The following FSTL5 variants were observed in gnomAD, a reference collection of about 807,000 sequenced individuals.
The protein encoded by FSTL5 is follistatin-related protein 5.
Under a neutral mutation model 89.1 loss-of-function variants are expected in FSTL5, and 62 were observed. That is an observed-to-expected ratio of 0.70 (90% CI 0.57 to 0.86). The LOEUF (loss-of-function observed/expected upper bound fraction) is 0.86. Among genes scored for constraint, FSTL5 ranks in the 40% least tolerant of loss-of-function variants. FSTL5 has a pLI of 0.00. For missense variants in FSTL5, 1,057 were observed against 1,001.6 expected (o/e 1.06, Z -0.75); for synonymous variants, 383 against 346.2 (o/e 1.11, Z -1.18).
intron 2 of FSTL5, among the ~76,000 whole-genome samples, chr4:162,095,987 C>T (rs1019436845): frequency 2.0e-4 from 31 of 151,750 alleles, no homozygotes; most frequent in African/African-American, 7.5e-4. Context: ...TACTACTACC[C>T]GATTGTAGCA....
rs1203119725 is a variant in FSTL5, at chr4:161,779,811, GTATATATATA to G, written c.410-3747_410-3738del. Among the ~76,000 whole-genome samples, 280 of 40,290 alleles carry G rather than the reference GTATATATATA, an allele frequency of 6.9e-3. 9 individuals are homozygous for G. The highest frequency in any genetic ancestry group is 9.8e-3 in the East Asian group (12 of 1,222). The allele number at this position is 40,290 out of a possible 152,430, so 26.4% of individuals were successfully genotyped here. Reference sequence around the variant, plus strand: ...TATATATATATATATATATATATATGTATATATATATATATATATATATATGTATATAAAA... The same window carrying G: ...TATATATATATATATATATATATATGTATATATATATATATGTATATAAAA... On this transcript the variant is annotated intron_variant, in intron 4 of 15. Transcript: ENST00000306100.
intron 7 of FSTL5, among the ~76,000 whole-genome samples, chr4:161,655,476 C>A (rs779583499): frequency 3.9e-5 from 6 of 151,982 alleles, no homozygotes; most frequent in Non-Finnish European, 8.8e-5. Context: ...CCACGTGATG[C>A]CAGTCATACA....
rs185751782 is a variant in FSTL5 at position 161,833,964 on chromosome 4, T to C, written c.410-57890A>G. 2.1e-3 allele frequency among the ~76,000 whole-genome samples: 321 copies of C among 152,294 alleles called. 1 individual carries two copies. Among genetic ancestry groups the C allele is most frequent in the African/African-American group, 7.3e-3 (304 of 41,568 alleles). ...TATTTTGCTCGTTAGTTGATGCAGT[T>C]TCTTCCTAGCCTCGATGGTCTTTAC... On this transcript the variant is annotated intron_variant, in intron 4 of 15. Coordinates refer to ENST00000306100, the MANE Select transcript of FSTL5 (RefSeq NM_020116.5).
chr4:162,123,810 GA>G (rs148852339), intron 1 of FSTL5, among the ~76,000 whole-genome samples: 31,537 of 150,704 alleles, frequency 0.21, 3,503 homozygotes, highest in African/African-American at 0.22. Context: ...TCTCAAGTTT[GA>G]AAAAGAGGCA....
chr4:161,812,069 CCT>C (rs1399182884), intron 4 of FSTL5, among the ~76,000 whole-genome samples: 1 of 151,982 alleles, frequency 6.6e-6, no homozygotes, highest in Non-Finnish European at 1.5e-5. Flanking sequence ...AATCCTAGAA[CCT>C]CTGTTTTTAT....
At chr4:161,462,422 T>C (rs1480807070) in intron 13 of FSTL5, among the ~76,000 whole-genome samples, 1 of 152,186 alleles carries the variant, frequency 6.6e-6, no homozygotes, top group African/African-American at 2.4e-5. Flanking sequence ...AGCAATAAAA[T>C]CCTAATGGAG....
chr4:161,976,607 G>A (rs1735654976), intron 3 of FSTL5, among the ~76,000 whole-genome samples: 1 of 151,864 alleles, frequency 6.6e-6, no homozygotes, highest in African/African-American at 2.4e-5. Context: ...TCAGCCTCTC[G>A]AGTAGCTGGG....
chr4:161,590,075 C>G, intron 7 of FSTL5, among the ~76,000 whole-genome samples: 1 of 152,136 alleles, frequency 6.6e-6, no homozygotes, highest in African/African-American at 2.4e-5. Context: ...TACAACATAC[C>G]AAAGAAAAAT....
chr4:161,482,888 T>G (rs1490380207), intron 12 of FSTL5, among the ~76,000 whole-genome samples: 1 of 152,174 alleles, frequency 6.6e-6, no homozygotes, highest in African/African-American at 2.4e-5. Flanking sequence ...CATGAAACAA[T>G]AGTGTTCTCT....
chr4:161,620,063 A>T (rs990077645), intron 7 of FSTL5, among the ~76,000 whole-genome samples: 1 of 151,898 alleles, frequency 6.6e-6, no homozygotes, highest in Admixed American at 6.6e-5. Context: ...ATTGGAAATC[A>T]TCATTCTCAG....
intron 6 of FSTL5, among the ~76,000 whole-genome samples, chr4:161,661,007 G>A (rs1460969983): frequency 1.3e-5 from 2 of 152,072 alleles, no homozygotes; most frequent in Non-Finnish European, 1.5e-5. Flanking sequence ...ATATTGTAAT[G>A]GGATTTCTGG....
chr4:162,123,792 G>A (rs1731961448), intron 1 of FSTL5, among the ~76,000 whole-genome samples: 1 of 150,906 alleles, frequency 6.6e-6, no homozygotes, highest in Non-Finnish European at 1.5e-5. Context: ...TTTTATTTTG[G>A]ACCAGTGTCT....
intron 2 of FSTL5, among the ~76,000 whole-genome samples, chr4:162,056,065 C>T (rs751430153): frequency 2.0e-5 from 3 of 151,338 alleles, no homozygotes; most frequent in Admixed American, 2.0e-4. Flanking sequence ...AAAAATGAAA[C>T]CCTGTAGAAA....
intron 6 of FSTL5, among the ~76,000 whole-genome samples, chr4:161,707,870 T>A (rs774892125): frequency 9.2e-5 from 14 of 151,896 alleles, no homozygotes; most frequent in Non-Finnish European, 2.1e-4. Context: ...AATCTGATAA[T>A]ATTAAAACAG....
At chr4:161,443,176 T>C (rs1168784825) in intron 15 of FSTL5, among the ~76,000 whole-genome samples, 1 of 151,946 alleles carries the variant, frequency 6.6e-6, no homozygotes, top group Non-Finnish European at 1.5e-5. Flanking sequence ...CTGCAACATA[T>C]GGTCTCTGAA....
chr4:161,799,056 G>A (rs533003276), intron 4 of FSTL5, among the ~76,000 whole-genome samples: 3 of 151,742 alleles, frequency 2.0e-5, no homozygotes, highest in African/African-American at 4.8e-5. Flanking sequence ...CACAGTTACC[G>A]AAAAGCAAGG....
At chr4:162,134,163 C>T (rs1186444115) in intron 1 of FSTL5, among the ~76,000 whole-genome samples, 1 of 152,126 alleles carries the variant, frequency 6.6e-6, no homozygotes, top group Non-Finnish European at 1.5e-5. Flanking sequence ...AGTTTATTTT[C>T]TTTCACCTCC....
At chr4:162,097,719 C>T (rs1275207916) in intron 2 of FSTL5, among the ~76,000 whole-genome samples, 1 of 151,664 alleles carries the variant, frequency 6.6e-6, no homozygotes, top group Non-Finnish European at 1.5e-5. Flanking sequence ...AAGAAAAAAG[C>T]TCAAAGTCAC....
chr4:161,588,449 C>G (rs1042980279), intron 7 of FSTL5, among the ~76,000 whole-genome samples: 3 of 151,876 alleles, frequency 2.0e-5, no homozygotes, highest in Admixed American at 6.6e-5. Context: ...AATAACCATA[C>G]CACTTCAAAA....
Sources: gnomAD v4.1 joint callset for allele counts (sites outside exome capture counted in the v4.1 genomes callset) on GRCh38, gnomAD v4.1.1 for gene constraint, MANE v1.5 for transcripts, NCBI Gene and HGNC (gene_info 2026-07-23, HGNC 2026-07-21) for gene names.